The following FREM2 variants were observed in gnomAD, a reference collection of about 807,000 sequenced individuals.
The protein encoded by FREM2 is FRAS1 related extracellular matrix 2.
In FREM2, 119 loss-of-function variants were observed where a neutral mutation model predicts 219.9. The ratio of observed to expected loss-of-function variants is 0.54; its 90% confidence interval spans 0.47 to 0.63. FREM2 has a LOEUF of 0.63. Ranked by LOEUF, FREM2 falls within the 30% of genes least tolerant of loss-of-function variation. FREM2 has a pLI of 0.00. For synonymous variants in FREM2, 1,562 were observed against 1,522.8 expected (o/e 1.03, Z -0.60); for missense variants, 4,030 against 3,993.6 (o/e 1.01, Z -0.25).
intron 2 of FREM2, among the ~76,000 whole-genome samples, chr13:38,724,050 G>A (rs1482007985): frequency 6.6e-6 from 1 of 152,180 alleles, no homozygotes; most frequent in Non-Finnish European, 1.5e-5. Context: ...GACTTGTATT[G>A]CCTTTAGATT....
chr13:38,866,000 C>T (rs1433939854), intron 16 of FREM2, among the ~76,000 whole-genome samples: 1 of 152,146 alleles, frequency 6.6e-6, no homozygotes, highest in African/African-American at 2.4e-5. Flanking sequence ...AACAAATCTA[C>T]CTCTTTTTCT....
intron 2 of FREM2, among the ~76,000 whole-genome samples, chr13:38,756,794 G>C (rs1873026862): frequency 6.6e-6 from 1 of 151,882 alleles, no homozygotes; most frequent in Non-Finnish European, 1.5e-5. Context: ...GCCCGCCTCA[G>C]CCTTCCAAAG....
intron 2 of FREM2, among the ~76,000 whole-genome samples, chr13:38,717,547 G>C (rs1871060017): frequency 6.6e-6 from 1 of 150,904 alleles, no homozygotes; most frequent in Non-Finnish European, 1.5e-5. Context: ...CTCCCAGGTA[G>C]CTGGGATTAC....
intron 2 of FREM2, among the ~76,000 whole-genome samples, chr13:38,709,870 G>A (rs890938899): frequency 2.6e-5 from 4 of 151,920 alleles, no homozygotes; most frequent in Non-Finnish European, 4.4e-5. Flanking sequence ...ATGGCCGGGC[G>A]CGGTGGCTCA....
At position 38,689,026 on chromosome 13, in the gene FREM2, C is replaced by G; in HGVS notation, c.1682C>G (p.Pro561Arg). 1.2e-6 allele frequency: 2 copies of G among 1,613,924 alleles called. 1 individual carries two copies. Among genetic ancestry groups the G allele is most frequent in the South Asian group, 2.2e-5 (2 of 91,074 alleles). Reference protein sequence around the residue: ...ITLVPVDDQPPVLNANTGLTL... With the variant: ...ITLVPVDDQPRVLNANTGLTL... Reference sequence around the variant, plus strand: ...TTAGTGCCTGTGGATGACCAGCCACCTGTTCTCAATGCCAACACGGGGCTG... The same window carrying G: ...TTAGTGCCTGTGGATGACCAGCCACGTGTTCTCAATGCCAACACGGGGCTG... Residue 561 changes from proline to arginine, a missense_variant, in exon 1 of 24, where the codon CCT becomes CGT. This residue lies in a region of FREM2 where 3,102 missense variants were observed against 2,950.7 expected (regional missense o/e 1.05). Transcript: ENST00000280481.
rs994268140 is a variant in FREM2, at chr13:38,690,047, C to A, written c.2703C>A (p.Ser901=). The A allele has an allele frequency of 3.1e-6, 5 of 1,613,936 alleles. No homozygotes were observed. The highest frequency in any genetic ancestry group is 3.4e-6 in the Non-Finnish European group (4 of 1,180,020). ...HLEDIKQGRV[S]YAHNGDKSLT... ...AGGACATAAAACAGGGCCGAGTTTC[C>A]TATGCCCATAATGGGGACAAGTCCC... The change falls in exon 1 of 24, where the codon TCC becomes TCA. Residue 901 remains serine, a synonymous_variant. Transcript: ENST00000280481.
intron 2 of FREM2, among the ~76,000 whole-genome samples, chr13:38,753,529 A>G (rs1195365252): frequency 6.6e-6 from 1 of 152,182 alleles, no homozygotes; most frequent in Non-Finnish European, 1.5e-5. Context: ...ACACATAATC[A>G]TTTCTTGAGT....
intron 7 of FREM2, among the ~76,000 whole-genome samples, chr13:38,848,113 T>C (rs1814130566): frequency 6.6e-6 from 1 of 152,226 alleles, no homozygotes; most frequent in South Asian, 2.1e-4. Flanking sequence ...TTTATAAGGA[T>C]CACATATTTG....
intron 6 of FREM2, among the ~76,000 whole-genome samples, chr13:38,793,084 C>T (rs1874628139): frequency 6.6e-6 from 1 of 152,144 alleles, no homozygotes; most frequent in South Asian, 2.1e-4. Context: ...TTTTATTTTA[C>T]AATAAATATT....
chr13:38,852,600 A>G (rs577309546), intron 11 of FREM2, among the ~76,000 whole-genome samples: 34 of 152,292 alleles, frequency 2.2e-4, no homozygotes, highest in African/African-American at 7.7e-4. Flanking sequence ...GTAAAAGTAT[A>G]GTGAAATATT....
chr13:38,691,180 T>C lies in FREM2; in HGVS notation c.3836T>C (p.Ile1279Thr), dbSNP rs1196725876. The C allele has an allele frequency of 6.2e-7, 1 of 1,613,982 alleles. No individual in the cohort carries two copies. Among genetic ancestry groups the C allele is most frequent in the Admixed American group, 1.7e-5 (1 of 60,000 alleles). ...DSETQEDSFV[I>T]KLTDGKHSVE... ...GAGACCCAGGAAGACAGTTTTGTGA[T>C]TAAACTAACAGATGGGAAGCACTCT... is the stretch of plus-strand genomic sequence containing the variant. The change falls in exon 1 of 24, where the codon ATT becomes ACT. Residue 1279 changes from isoleucine to threonine, a missense_variant. Ile to Thr is a moderately conservative substitution (Grantham distance 89, BLOSUM62 -1). Around this residue, in one of 2 missense-constraint regions of FREM2, gnomAD observed 3,102 missense variants for 2,950.7 expected, o/e 1.05. Transcript: ENST00000280481.
intron 6 of FREM2, among the ~76,000 whole-genome samples, chr13:38,806,852 C>T (rs901577353): frequency 2.0e-5 from 3 of 151,842 alleles, no homozygotes; most frequent in Admixed American, 2.0e-4. Context: ...ACTGCTTTAT[C>T]AGCTAAGTAT....
intron 2 of FREM2, among the ~76,000 whole-genome samples, chr13:38,717,358 G>A (rs967792507): frequency 6.7e-6 from 1 of 148,402 alleles, no homozygotes; most frequent in Non-Finnish European, 1.5e-5. Context: ...ATGCAGTAAA[G>A]GTTTTGACGT....
rs545772515 is a variant in FREM2, at chr13:38,692,246, G to A, written c.4902G>A (p.Thr1634=). The A allele has an allele frequency of 1.7e-5, 28 of 1,614,074 alleles. No homozygotes were observed. Among genetic ancestry groups the A allele is most frequent in the South Asian group, 7.7e-5 (7 of 91,072 alleles). Residue 1634 remains threonine (T), a synonymous_variant, in exon 1 of 24, where the codon ACG becomes ACA. Coordinates refer to ENST00000280481, the MANE Select transcript of FREM2 (RefSeq NM_207361.6). ...CAGACTTCTATGTTTTTCCTGATAC[G>A]GTGTTTGAAACAAGGAGACCCCAAG... The part of the protein sequence containing the change: ...THTDFYVFPD[T]VFETRRPQVM...
intron 6 of FREM2, among the ~76,000 whole-genome samples, chr13:38,810,162 G>C: frequency 6.6e-6 from 1 of 151,890 alleles, no homozygotes; most frequent in East Asian, 1.9e-4. Context: ...TGATTTTTAT[G>C]TTGATTTTGT....
chr13:38,724,009 G>A (rs1871408009), intron 2 of FREM2, among the ~76,000 whole-genome samples: 1 of 152,144 alleles, frequency 6.6e-6, no homozygotes, highest in Admixed American at 6.6e-5. Flanking sequence ...TGCTACAATG[G>A]GTTCACTACA....
At position 38,857,808 on chromosome 13, in the gene FREM2, T is replaced by C. The variant is rs9603455; in HGVS notation, c.7057-67T>C. On this transcript the variant is annotated intron_variant, in intron 12 of 23. Transcript: ENST00000280481. ...GGTTGCCAGGGATCGTGAGTATTGT[T>C]CTGTGTGGTAGAAGCATCAAAAGTT... 0.05 allele frequency: 67,794 copies of C among 1,351,794 alleles called. 5,267 individuals are homozygous for C. Among genetic ancestry groups the C allele is most frequent in the African/African-American group, 0.34 (23,696 of 69,740 alleles). 83.7% of individuals were successfully genotyped at this position (1,351,794 alleles called of 1,614,324 possible). A position where few individuals can be genotyped will look rare whatever the true frequency, so the allele number is the denominator to read the frequency against.
chr13:38,872,312 A>G (rs183780843), intron 16 of FREM2, among the ~76,000 whole-genome samples: 1 of 152,336 alleles, frequency 6.6e-6, no homozygotes, highest in East Asian at 1.9e-4. Flanking sequence ...GGTGACTGCT[A>G]ATAAGTACAG....
intron 4 of FREM2, among the ~76,000 whole-genome samples, chr13:38,775,972 T>C (rs576300462): frequency 6.6e-6 from 1 of 152,328 alleles, no homozygotes; most frequent in South Asian, 2.1e-4. Context: ...AGGATAATTT[T>C]TGGACCTCAT....
Sources: gnomAD v4.1 joint callset for allele counts (sites outside exome capture counted in the v4.1 genomes callset) on GRCh38, gnomAD v4.1.1 for gene constraint, gnomAD v4.1.1 regional missense constraint, MANE v1.5 for transcripts, NCBI Gene and HGNC (gene_info 2026-07-23, HGNC 2026-07-21) for gene names.